Variants in PTPN11 observed in about 807,000 individuals in gnomAD.
PTPN11 encodes protein tyrosine phosphatase non-receptor type 11.
PTPN11 carries 6 observed loss-of-function variants against 78.8 expected under a neutral mutation model. The ratio of observed to expected loss-of-function variants is 0.08; its 90% CI spans 0.04 to 0.15. PTPN11 has a LOEUF of 0.15. PTPN11 is among the 10% of genes least tolerant of loss of function. PTPN11 has a pLI of 1.00. For synonymous variants in PTPN11, 221 were observed against 263.5 expected (o/e 0.84, Z 1.56); for missense variants, 386 against 744.8 (o/e 0.52, Z 5.61).
At chr12:112,474,067 A>C (rs1382844635) in intron 7 of PTPN11, among the ~76,000 whole-genome samples, 2 of 151,238 alleles carry the variant, frequency 1.3e-5, no homozygotes, top group Non-Finnish European at 3.0e-5. Context: ...GTTTTTCTGT[A>C]GGCCGGCGCA....
rs1366134377 is a variant in PTPN11, at chr12:112,425,006, GTGTA to G, written c.14+5886_14+5889del. Among the ~76,000 whole-genome samples, 778 of 134,108 alleles carry G rather than the reference GTGTA, an allele frequency of 5.8e-3. 9 individuals are homozygous for G. The highest frequency in any genetic ancestry group is 0.021 in the African/African-American group (675 of 31,912). The allele number at this position is 134,108 out of a possible 152,430, so 88.0% of individuals were successfully genotyped here. ...TGTGTGTGTGTGTGTGTGTGTGTGTGTGTATGTAGAGATGGGGTTTTGCCATGTT... is the reference window on the plus strand; with the variant it reads ...TGTGTGTGTGTGTGTGTGTGTGTGTGTGTAGAGATGGGGTTTTGCCATGTT... On this transcript the variant is annotated intron_variant, in intron 1 of 15. Coordinates refer to ENST00000351677, the MANE Select transcript of PTPN11 (RefSeq NM_002834.5).
intron 1 of PTPN11, among the ~76,000 whole-genome samples, chr12:112,445,330 C>G (rs766782613): frequency 6.6e-6 from 1 of 152,082 alleles, no homozygotes; most frequent in African/African-American, 2.4e-5. Flanking sequence ...TGGGGTTTCA[C>G]CACATTGGCC....
Position 112,504,708 on chromosome 12 carries a change from A to C in PTPN11, c.1726A>C (p.Ser576Arg), listed in dbSNP as rs754106920. The C allele has an allele frequency of 2.5e-6, 4 of 1,582,996 alleles. No homozygotes were observed. The highest frequency in any genetic ancestry group is 3.5e-6 in the Non-Finnish European group (4 of 1,152,116). Residue 576 changes from serine (S) to arginine (R), a missense_variant, in exon 15 of 16, where the codon AGT becomes CGT. Transcript: ENST00000351677. The surrounding 1 kb of genome is among the most constrained non-coding windows in gnomAD (Gnocchi z 4.7). ...TPPCAEMREDSARVYENVGLM... is the reference protein window; with the variant it reads ...TPPCAEMREDRARVYENVGLM... ...TTTTCTCTCCAGAATGAGAGAAGAC[A>C]GTGCTAGAGTCTATGAAAACGTGGG... is the stretch of plus-strand genomic sequence containing the variant.
At chr12:112,422,911 A>G (rs1201040102) in intron 1 of PTPN11, among the ~76,000 whole-genome samples, 1 of 152,236 alleles carries the variant, frequency 6.6e-6, no homozygotes, top group Non-Finnish European at 1.5e-5. Context: ...TTAGGCAGCC[A>G]CAGAACAATA....
chr12:112,458,030 A>C (rs2038189953), intron 6 of PTPN11, among the ~76,000 whole-genome samples: 1 of 152,202 alleles, frequency 6.6e-6, no homozygotes, highest in East Asian at 1.9e-4. Context: ...TGAGGACTAC[A>C]ATTTATAAAT....
intron 9 of PTPN11, among the ~76,000 whole-genome samples, chr12:112,478,687 A>G (rs1024240726): frequency 6.6e-6 from 1 of 152,068 alleles, no homozygotes; most frequent in Non-Finnish European, 1.5e-5. Flanking sequence ...TCCTTTTAAC[A>G]TGTGTAGCAT....
rs1263235148 is a variant in PTPN11 at position 112,446,928 on chromosome 12, C to T, written c.137+530C>T. 1.3e-5 allele frequency among the ~76,000 whole-genome samples: 2 copies of T among 151,620 alleles called. 1 individual carries two copies. Among genetic ancestry groups the T allele is most frequent in the Admixed American group, 1.3e-4 (2 of 15,200 alleles). ...TTGCCCAGGCTGGAGTGCAGTGGTA[C>T]GATCACAGCTTACAGCAGCCTTGAA... On this transcript the variant is annotated intron_variant, in intron 2 of 15. Transcript: ENST00000351677.
rs2135915989 is a variant in PTPN11, at chr12:112,489,008, G to A, written c.1448-16G>A. 6.2e-7 allele frequency: 1 copy of A among 1,610,880 alleles called. No homozygotes were observed. The highest frequency in any genetic ancestry group is 8.5e-7 in the Non-Finnish European group (1 of 1,178,210). On this transcript the variant is annotated splice_polypyrimidine_tract_variant and intron_variant, in intron 12 of 15. Coordinates refer to ENST00000351677, the MANE Select transcript of PTPN11 (RefSeq NM_002834.5). ...TCTGCAGTTTCTCTTTATTCTTCATGATGTTTCCTTCGTAGGTGTTGACTG... is the reference window on the plus strand; with the variant it reads ...TCTGCAGTTTCTCTTTATTCTTCATAATGTTTCCTTCGTAGGTGTTGACTG...
chr12:112,437,442 TG>T (rs2135843624), intron 1 of PTPN11, among the ~76,000 whole-genome samples: 1 of 152,316 alleles, frequency 6.6e-6, no homozygotes, highest in African/African-American at 2.4e-5. Context: ...ATTACAGGCA[TG>T]AGCCACCGTG....
At chr12:112,500,007 G>A (rs925392981) in intron 13 of PTPN11, among the ~76,000 whole-genome samples, 1 of 151,476 alleles carries the variant, frequency 6.6e-6, no homozygotes, top group African/African-American at 2.4e-5. Flanking sequence ...ACTTTGGGAG[G>A]CCGAGGCGGG....
intron 1 of PTPN11, among the ~76,000 whole-genome samples, chr12:112,426,914 G>A (rs2037624550): frequency 1.3e-5 from 2 of 152,156 alleles, no homozygotes; most frequent in South Asian, 4.1e-4. Flanking sequence ...TGAGATTACA[G>A]GTGTGAGCCA....
chr12:112,447,700 A>G (rs1417479748), intron 2 of PTPN11, among the ~76,000 whole-genome samples: 3 of 151,364 alleles, frequency 2.0e-5, no homozygotes, highest in African/African-American at 4.9e-5. Flanking sequence ...GGGTTTCACC[A>G]TGTCGACCAG....
chr12:112,449,275 G>A (rs781453368), intron 2 of PTPN11, among the ~76,000 whole-genome samples: 3 of 151,588 alleles, frequency 2.0e-5, no homozygotes, highest in Non-Finnish European at 4.4e-5. Flanking sequence ...GGCCAAGGCA[G>A]GCGGCGGATC....
chr12:112,508,941 G>A lies in PTPN11; in HGVS notation c.*3149G>A, dbSNP rs1365124150. 1 of 152,206 alleles carries A rather than the reference G, an allele frequency of 6.6e-6. No individual in the cohort carries two copies. Among genetic ancestry groups the A allele is most frequent in the Non-Finnish European group, 1.5e-5 (1 of 68,046 alleles). 9.4% of individuals were successfully genotyped at this position (152,206 alleles called of 1,614,324 possible). Reference sequence around the variant, plus strand: ...TATTTTTAGAGGTTATTTTATTGGGGATTTTAAGAACTAATAACATCTTGA... The same window carrying A: ...TATTTTTAGAGGTTATTTTATTGGGAATTTTAAGAACTAATAACATCTTGA... On this transcript the variant is annotated 3_prime_UTR_variant, in exon 16 of 16. Coordinates refer to ENST00000351677, the MANE Select transcript of PTPN11 (RefSeq NM_002834.5).
Position 112,486,607 on chromosome 12 carries a change from G to C in PTPN11, c.1357G>C (p.Gly453Arg), listed in dbSNP as rs1464947249. Residue 453 changes from glycine to arginine, a missense_variant, in exon 11 of 16, where the codon GGG (glycine) becomes CGG (arginine). Physicochemically the swap from Gly to Arg is moderately radical, Grantham distance 125. This residue lies in a region of PTPN11 where 63 missense variants were observed against 182.2 expected (regional missense o/e 0.35). Coordinates refer to ENST00000351677, the MANE Select transcript of PTPN11 (RefSeq NM_002834.5). ...HHKQESIMDA[G>R]PVVVHCSAGI... ...TAAGCAGGAGAGCATCATGGATGCA[G>C]GGCCGGTCGTGGTGCACTGCAGGTG... 6.2e-7 allele frequency: 1 copy of C among 1,613,134 alleles called. No homozygotes were observed. Among genetic ancestry groups the C allele is most frequent in the Non-Finnish European group, 8.5e-7 (1 of 1,180,032 alleles).
chr12:112,456,364 G>C (rs895954677), intron 6 of PTPN11, among the ~76,000 whole-genome samples: 4 of 151,842 alleles, frequency 2.6e-5, no homozygotes, highest in African/African-American at 9.7e-5. Context: ...TAATTTCTTC[G>C]AAAGATTTCC....
intron 3 of PTPN11, 60 bp downstream of exon 3, chr12:112,450,572 A>G (rs2135863351): frequency 6.7e-7 from 1 of 1,496,012 alleles, no homozygotes; most frequent in Non-Finnish European, 9.3e-7. Context: ...AGTGTCAGAA[A>G]TGCATGACGG....
intron 1 of PTPN11, among the ~76,000 whole-genome samples, chr12:112,419,853 A>G (rs1458138470): frequency 6.6e-6 from 1 of 152,220 alleles, no homozygotes; most frequent in Non-Finnish European, 1.5e-5. Flanking sequence ...GAGGCCCAGA[A>G]GCAACATGCT....
chr12:112,486,309 T>C, intron 10 of PTPN11, 166 bp from the exon 11 acceptor site: 1 of 720,054 alleles, frequency 1.4e-6, no homozygotes, highest in Non-Finnish European at 2.4e-6. Flanking sequence ...CCTCCAGGAT[T>C]GCCCAAAAGG....
Sources: gnomAD v4.1 joint callset for allele counts (sites outside exome capture counted in the v4.1 genomes callset) on GRCh38, gnomAD v4.1.1 for gene constraint, gnomAD v4.1.1 regional missense constraint, Gnocchi (gnomAD v3.1) non-coding constraint, MANE v1.5 for transcripts, NCBI Gene and HGNC (gene_info 2026-07-23, HGNC 2026-07-21) for gene names.